POLA1: variants seen among roughly 807,000 people sequenced by gnomAD.
POLA1 encodes DNA polymerase alpha 1, catalytic subunit, also known as DNA polymerase alpha catalytic subunit.
A neutral mutation model predicts 124.0 loss-of-function variants in POLA1; 15 were observed. The ratio of observed to expected loss-of-function variants is 0.12; its 90% confidence interval spans 0.08 to 0.19. The LOEUF (loss-of-function observed/expected upper bound fraction) is 0.19, where lower values mean the gene tolerates loss of function less well. POLA1 is among the 10% of genes least tolerant of loss of function. The pLI is 1.00. For missense variants in POLA1, 886 were observed against 1,103.4 expected, an observed-to-expected ratio of 0.80 and a Z score of 2.79; for synonymous variants, 408 against 389.4, an observed-to-expected ratio of 1.05 and a Z score of -0.56.
chrX:24,814,847 T>G, intron 29 of POLA1, 132 bp from the exon 30 acceptor site: 2 of 576,723 alleles, frequency 3.5e-6, no homozygotes, highest in Non-Finnish European at 5.0e-6. Flanking sequence ...ACCCTCATAT[T>G]AGCTCTTACT....
chrX:24,993,849 C>T (rs1438678980), intron 36 of POLA1, among the ~76,000 whole-genome samples: 3 of 112,021 alleles, frequency 2.7e-5, no homozygotes, highest in East Asian at 2.8e-4. Context: ...GATATGCTGG[C>T]GGTCACAGTT....
intron 26 of POLA1, among the ~76,000 whole-genome samples, chrX:24,781,982 C>T (rs2045273786): frequency 1.8e-5 from 2 of 111,533 alleles, no homozygotes; most frequent in Non-Finnish European, 3.8e-5. Flanking sequence ...GAGTAGCTGT[C>T]AGGAGCCATG....
intron 35 of POLA1, among the ~76,000 whole-genome samples, chrX:24,899,432 G>A (rs771144366): frequency 9.0e-6 from 1 of 111,671 alleles, no homozygotes; most frequent in South Asian, 3.8e-4. Flanking sequence ...GAGGGCAGCA[G>A]GCCATTTCTT....
intron 36 of POLA1, among the ~76,000 whole-genome samples, chrX:24,971,703 G>C (rs1001667646): frequency 5.4e-5 from 6 of 111,756 alleles, no homozygotes; most frequent in Admixed American, 1.9e-4. Context: ...AGCAACATGA[G>C]GACTGGCTGG....
At chrX:24,902,156 C>T (rs959447512) in intron 35 of POLA1, among the ~76,000 whole-genome samples, 10 of 111,918 alleles carry the variant, frequency 8.9e-5, no homozygotes, top group Admixed American at 8.5e-4. Flanking sequence ...TAATTAACAA[C>T]TGCTGTACTA....
At chrX:24,874,538 A>T (rs2046906811) in intron 34 of POLA1, among the ~76,000 whole-genome samples, 1 of 112,278 alleles carries the variant, frequency 8.9e-6, no homozygotes, top group Non-Finnish European at 1.9e-5. Flanking sequence ...TTTTTTAAGT[A>T]CAATTCTGTT....
Position 24,693,927 on chromosome X carries a change from G to A in POLA1, c.-35G>A, listed in dbSNP as rs748400453. 1 of 1,175,785 alleles carries A rather than the reference G, an allele frequency of 8.5e-7. No homozygotes were observed. Among genetic ancestry groups the A allele is most frequent in the African/African-American group, 1.8e-5 (1 of 56,723 alleles). On this transcript the variant is annotated 5_prime_UTR_variant, in exon 1 of 37. Transcript: ENST00000379068. Reference sequence around the variant, plus strand: ...CTGTCTCGGCCCCCGCGCCAGTTTTGGGCTGGTTGGCGCGGAATCGGGAGA... The same window carrying A: ...CTGTCTCGGCCCCCGCGCCAGTTTTAGGCTGGTTGGCGCGGAATCGGGAGA...
chrX:24,974,204 C>T (rs914030964), intron 36 of POLA1, among the ~76,000 whole-genome samples: 6 of 110,944 alleles, frequency 5.4e-5, no homozygotes, highest in Admixed American at 4.8e-4. Context: ...CCTCCCCACC[C>T]GAGGGAACAT....
At chrX:24,836,936 C>G (rs1465856774) in intron 32 of POLA1, among the ~76,000 whole-genome samples, 1 of 111,388 alleles carries the variant, frequency 9.0e-6, no homozygotes, top group Non-Finnish European at 1.9e-5. Context: ...CAGTTTTATA[C>G]AATATTTTAA....
intron 34 of POLA1, among the ~76,000 whole-genome samples, chrX:24,880,722 T>G (rs922238129): frequency 9.0e-6 from 1 of 111,668 alleles, no homozygotes; most frequent in Non-Finnish European, 1.9e-5. Context: ...GCACTATCTA[T>G]AAGGAGACCC....
chrX:24,995,499 T>G (rs2048594517), intron 36 of POLA1, among the ~76,000 whole-genome samples: 1 of 112,007 alleles, frequency 8.9e-6, no homozygotes, highest in Non-Finnish European at 1.9e-5. Flanking sequence ...AAGTGGCGTC[T>G]GCGAGTAGAG....
intron 26 of POLA1, among the ~76,000 whole-genome samples, chrX:24,793,277 CAAAAAAAAAAAAAAAAAAA>C (rs144419886): frequency 3.8e-5 from 1 of 26,036 alleles, no homozygotes; most frequent in South Asian, 3.1e-3. Flanking sequence ...GACTCCCTCT[CAAAAAAAAAAAAAAAAAAA>C]AAAAAAAAAA....
At chrX:24,787,232 T>C (rs886599590) in intron 26 of POLA1, among the ~76,000 whole-genome samples, 4 of 112,028 alleles carry the variant, frequency 3.6e-5, no homozygotes, top group African/African-American at 1.3e-4. Context: ...CTTACTTATT[T>C]ATTTTTGCTG....
intron 36 of POLA1, among the ~76,000 whole-genome samples, chrX:24,978,258 A>G (rs2048387043): frequency 9.0e-6 from 1 of 111,703 alleles, no homozygotes; most frequent in African/African-American, 3.3e-5. Context: ...TTTGTAAATC[A>G]AGCTTCCATC....
intron 26 of POLA1, among the ~76,000 whole-genome samples, chrX:24,774,025 A>G (rs2045090323): frequency 8.9e-6 from 1 of 111,799 alleles, no homozygotes; most frequent in Admixed American, 9.5e-5. Flanking sequence ...TTACAAGTAC[A>G]TAATTGAAAA....
In POLA1 at chrX:24,996,657, T is replaced by C. The variant is rs546630638; in HGVS notation, c.*707T>C. 1.8e-5 allele frequency: 2 copies of C among 112,714 alleles called. No individual in the cohort carries two copies. The highest frequency in any genetic ancestry group is 2.8e-4 in the East Asian group (1 of 3,593). 9.3% of individuals were successfully genotyped at this position (112,714 alleles called of 1,213,427 possible). A position where few individuals can be genotyped will look rare whatever the true frequency, so the allele number is the denominator to read the frequency against. The stretch of plus-strand genomic sequence containing the variant: ...AACAAGAAAGCACATTGAAAATAAT[T>C]TGATACTCTAACAATCCATTAACAT... On this transcript the variant is annotated 3_prime_UTR_variant, in exon 37 of 37. Coordinates refer to ENST00000379068, the MANE Select transcript of POLA1 (RefSeq NM_001330360.2).
At chrX:24,699,113 C>T (rs765581862) in intron 1 of POLA1, among the ~76,000 whole-genome samples, 44 of 112,185 alleles carry the variant, frequency 3.9e-4, no homozygotes, top group East Asian at 3.6e-3. Context: ...AATTAGCTAA[C>T]AGCTGATCTC....
At chrX:24,757,352 G>A (rs748496275) in intron 26 of POLA1, among the ~76,000 whole-genome samples, 7 of 109,916 alleles carry the variant, frequency 6.4e-5, no homozygotes, top group Non-Finnish European at 1.1e-4. Context: ...AGTTATTTCA[G>A]AGCCTAGGTT....
intron 23 of POLA1, 26 bp downstream of exon 23, chrX:24,743,355 T>C: frequency 1.3e-6 from 1 of 782,482 alleles, no homozygotes; most frequent in Non-Finnish European, 1.9e-6. Context: ...GAATTGGTTT[T>C]CTCCCAGTAT....
Sources: allele counts gnomAD v4.1 joint callset (sites outside exome capture counted in the v4.1 genomes callset), GRCh38; gene constraint gnomAD v4.1.1; transcripts MANE v1.5; gene names NCBI Gene and HGNC (gene_info 2026-07-23, HGNC 2026-07-21).